DLG2: variants seen among roughly 807,000 people sequenced by gnomAD.
The protein encoded by DLG2 is disks large homolog 2.
In DLG2, 45 loss-of-function variants were observed where a neutral mutation model predicts 132.5. That is an observed-to-expected ratio of 0.34 (90% CI 0.27 to 0.44). DLG2 has a LOEUF of 0.44. Ranked by LOEUF, DLG2 falls within the 20% of genes least tolerant of loss-of-function variation. The probability of loss-of-function intolerance (pLI) is 1.00; values close to 1 mark genes in which losing one functional copy is unlikely to be tolerated. For synonymous variants in DLG2, 424 were observed against 419.6 expected (o/e 1.01, Z -0.13); for missense variants, 1,045 against 1,196.9 (o/e 0.87, Z 1.87).
At chr11:85,138,720 T>C (rs1199035272) in intron 5 of DLG2, among the ~76,000 whole-genome samples, 1 of 150,860 alleles carries the variant, frequency 6.6e-6, no homozygotes, top group Non-Finnish European at 1.5e-5. Flanking sequence ...CAGGGATTTA[T>C]GCTTTTGCTT....
At chr11:85,186,151 A>G (rs1328166017) in intron 4 of DLG2, among the ~76,000 whole-genome samples, 2 of 151,982 alleles carry the variant, frequency 1.3e-5, no homozygotes, top group Non-Finnish European at 1.5e-5. Context: ...ACTGTTAAAT[A>G]GAGACATAAT....
chr11:85,213,182 G>A (rs1453170580), intron 4 of DLG2, among the ~76,000 whole-genome samples: 1 of 152,130 alleles, frequency 6.6e-6, no homozygotes, highest in Non-Finnish European at 1.5e-5. Flanking sequence ...TTGATGAAAA[G>A]AGTAAAATTC....
chr11:83,736,559 T>C (rs1429939023), intron 18 of DLG2, among the ~76,000 whole-genome samples: 1 of 152,198 alleles, frequency 6.6e-6, no homozygotes, highest in Non-Finnish European at 1.5e-5. Context: ...TCAAAAGTCC[T>C]ATTTTTCTCT....
At chr11:84,974,018 A>G (rs975597745) in intron 6 of DLG2, among the ~76,000 whole-genome samples, 1 of 152,224 alleles carries the variant, frequency 6.6e-6, no homozygotes, top group African/African-American at 2.4e-5. Context: ...ATGAAAGTAG[A>G]TAGTCCCATT....
At chr11:84,790,647 A>G (rs2073690735) in intron 6 of DLG2, among the ~76,000 whole-genome samples, 1 of 152,176 alleles carries the variant, frequency 6.6e-6, no homozygotes, top group African/African-American at 2.4e-5. Context: ...ATATTAGTCA[A>G]GACATCTTTG....
intron 6 of DLG2, among the ~76,000 whole-genome samples, chr11:84,590,298 A>T (rs2099539673): frequency 6.6e-6 from 1 of 152,166 alleles, no homozygotes; most frequent in Non-Finnish European, 1.5e-5. Context: ...GCCCCAAGAG[A>T]TCCCATTCTT....
intron 18 of DLG2, among the ~76,000 whole-genome samples, chr11:83,741,887 T>TG (rs2092547055): frequency 6.6e-6 from 1 of 150,498 alleles, no homozygotes; most frequent in Admixed American, 6.6e-5. Context: ...TGGTGGTGGG[T>TG]GCCTGTAGTT....
intron 6 of DLG2, chr11:84,762,289 A>G (rs1048361967): frequency 4.3e-4 from 65 of 152,206 alleles, no homozygotes; most frequent in African/African-American, 1.5e-3. Flanking sequence ...TTAAGTCTTC[A>G]TATATTTCCT....
intron 4 of DLG2, among the ~76,000 whole-genome samples, chr11:85,277,987 C>T (rs1191638236): frequency 2.0e-5 from 3 of 152,142 alleles, no homozygotes; most frequent in Non-Finnish European, 4.4e-5. Context: ...TCACAACGAC[C>T]TGAAGAAAAG....
At chr11:84,832,815 C>T (rs2079207657) in intron 6 of DLG2, among the ~76,000 whole-genome samples, 1 of 151,494 alleles carries the variant, frequency 6.6e-6, no homozygotes, top group Admixed American at 6.6e-5. Flanking sequence ...AGCAATTCCC[C>T]CCTCCGCCCC....
At chr11:85,061,413 G>A (rs1252500718) in intron 6 of DLG2, among the ~76,000 whole-genome samples, 2 of 151,742 alleles carry the variant, frequency 1.3e-5, no homozygotes, top group African/African-American at 4.8e-5. Context: ...ATTTGGCCTA[G>A]ATGAGTTACA....
chr11:83,931,556 T>C (rs553466234), intron 14 of DLG2, among the ~76,000 whole-genome samples: 1 of 152,340 alleles, frequency 6.6e-6, no homozygotes, highest in East Asian at 1.9e-4. Flanking sequence ...AATGGAGATC[T>C]TTTAAAAATT....
rs143065797 is a variant in DLG2 at position 83,770,255 on chromosome 11, G to GTTTTTTTTTTTTTTTTTTTT, written c.1825+16434_1825+16435insAAAAAAAAAAAAAAAAAAAA. Among the ~76,000 whole-genome samples the GTTTTTTTTTTTTTTTTTTTT allele has an allele frequency of 1.3e-3, 143 of 109,822 alleles. 7 individuals are homozygous for GTTTTTTTTTTTTTTTTTTTT. Among genetic ancestry groups the GTTTTTTTTTTTTTTTTTTTT allele is most frequent in the African/African-American group, 2.5e-3 (62 of 24,410 alleles). The allele number at this position is 109,822 out of a possible 152,430, so 72.0% of individuals were successfully genotyped here. On this transcript the variant is annotated intron_variant, in intron 18 of 27. Transcript: ENST00000376104. ...TACCTTTTGTCTCGTGGTGTCTGGT[G>GTTTTTTTTTTTTTTTTTTTT]TTTTTTTTTGTTTTTTTGCTTTTTG...
At chr11:85,402,493 G>A (rs1284240554) in intron 3 of DLG2, among the ~76,000 whole-genome samples, 3 of 152,102 alleles carry the variant, frequency 2.0e-5, no homozygotes, top group Non-Finnish European at 2.9e-5. Context: ...AGACAAATGG[G>A]ATCTAATTAA....
At chr11:84,002,900 A>G (rs1231838308) in intron 11 of DLG2, among the ~76,000 whole-genome samples, 1 of 152,164 alleles carries the variant, frequency 6.6e-6, no homozygotes, top group African/African-American at 2.4e-5. Context: ...AAGTTTTCAA[A>G]CTTTTATGCT....
At chr11:85,334,936 G>T (rs1480799732) in intron 3 of DLG2, among the ~76,000 whole-genome samples, 1 of 152,104 alleles carries the variant, frequency 6.6e-6, no homozygotes, top group African/African-American at 2.4e-5. Flanking sequence ...ATGTCCGTTA[G>T]GTCCTCTGGT....
chr11:84,708,188 T>C (rs2059976769), intron 6 of DLG2, among the ~76,000 whole-genome samples: 1 of 151,918 alleles, frequency 6.6e-6, no homozygotes, highest in South Asian at 2.1e-4. Context: ...AATTTTCATC[T>C]TAATGTGCCT....
chr11:83,747,743 C>A (rs1053719386), intron 18 of DLG2, among the ~76,000 whole-genome samples: 1 of 151,722 alleles, frequency 6.6e-6, no homozygotes, highest in Non-Finnish European at 1.5e-5. Flanking sequence ...TGTATTAGTG[C>A]TGCAAGTATA....
intron 7 of DLG2, among the ~76,000 whole-genome samples, chr11:84,254,659 TTAAC>T (rs150010010): frequency 0.048 from 7,345 of 152,266 alleles, 265 homozygotes; most frequent in Non-Finnish European, 0.076. Context: ...TTACTATTAC[TTAAC>T]TAAATTCAGC....
Sources: allele counts gnomAD v4.1 joint callset (sites outside exome capture counted in the v4.1 genomes callset), GRCh38; gene constraint gnomAD v4.1.1; transcripts MANE v1.5; gene names NCBI Gene and HGNC (gene_info 2026-07-23, HGNC 2026-07-21).